The following MAPRE2 variants were observed in gnomAD, a reference collection of about 807,000 sequenced individuals.
MAPRE2 encodes microtubule-associated protein RP/EB family member 2.
A neutral mutation model predicts 43.2 loss-of-function variants in MAPRE2; 13 were observed. The ratio of observed to expected loss-of-function variants is 0.30; its 90% confidence interval spans 0.20 to 0.48. The LOEUF is 0.48. Ranked by LOEUF, MAPRE2 falls within the 20% of genes least tolerant of loss-of-function variation. The pLI, the probability that MAPRE2 is intolerant of heterozygous loss-of-function variation, is 0.99. For missense variants in MAPRE2, 161 were observed against 400.2 expected, an observed-to-expected ratio of 0.40 and a Z score of 5.10; for synonymous variants, 135 against 148.8, an observed-to-expected ratio of 0.91 and a Z score of 0.68.
Position 35,064,197 on chromosome 18 carries a change from CAA to C in MAPRE2, c.123-5986_123-5985del, listed in dbSNP as rs11311209. Among the ~76,000 whole-genome samples, 9 of 139,304 alleles carry C rather than the reference CAA, an allele frequency of 6.5e-5. No individual in the cohort carries two copies. In the East Asian group the frequency reaches 8.1e-4, roughly 13 times the overall value. The allele number at this position is 139,304 out of a possible 152,430, so 91.4% of individuals were successfully genotyped here. A position where few individuals can be genotyped will look rare whatever the true frequency, so the allele number is the denominator to read the frequency against. On this transcript the variant is annotated intron_variant, in intron 1 of 6. Coordinates refer to ENST00000300249, the MANE Select transcript of MAPRE2 (RefSeq NM_014268.4). The stretch of plus-strand genomic sequence containing the variant: ...TGAACAACAGAGCAAAGCCTCATTT[CAA>C]AAAAAAAAAAATCAAAATAGGTTCC...
intron 2 of MAPRE2, among the ~76,000 whole-genome samples, chr18:35,008,343 T>G (rs2097032803): frequency 6.6e-6 from 1 of 152,166 alleles, no homozygotes. Context: ...ACCAAATTTT[T>G]TATTATATTA....
At position 35,140,874 on chromosome 18, in the gene MAPRE2, T is replaced by A. The variant is rs939698495; in HGVS notation, c.*505T>A. The A allele has an allele frequency of 2.0e-5, 3 of 153,142 alleles. No individual in the cohort carries two copies. Among genetic ancestry groups the A allele is most frequent in the African/African-American group, 7.2e-5 (3 of 41,450 alleles). The allele number at this position is 153,142 out of a possible 1,614,324, so 9.5% of individuals were successfully genotyped here. A position where few individuals can be genotyped will look rare whatever the true frequency, so the allele number is the denominator to read the frequency against. On this transcript the variant is annotated 3_prime_UTR_variant, in exon 7 of 7. Transcript: ENST00000300249. ...GGAACAAAGGGAAACAGATACTTGA[T>A]ATGAAAGCCATAATGACGGTGACTT...
intron 2 of MAPRE2, among the ~76,000 whole-genome samples, chr18:35,091,322 T>C (rs1908139466): frequency 6.6e-6 from 1 of 152,196 alleles, no homozygotes. Flanking sequence ...GGTATGTGTA[T>C]AAGGTGTATA....
At chr18:35,132,453 G>T (rs1347232444) in intron 6 of MAPRE2, among the ~76,000 whole-genome samples, 2 of 152,234 alleles carry the variant, frequency 1.3e-5, no homozygotes, top group Non-Finnish European at 2.9e-5. Context: ...TGCTTATGCA[G>T]CCAAACTGCA....
chr18:35,061,551 GC>G (rs1390742803), intron 1 of MAPRE2, among the ~76,000 whole-genome samples: 1 of 152,092 alleles, frequency 6.6e-6, no homozygotes, highest in African/African-American at 2.4e-5. Context: ...CAGTCATAGA[GC>G]CCCGTAAAAA....
At chr18:35,026,296 A>G (rs2097045127) in intron 2 of MAPRE2, among the ~76,000 whole-genome samples, 1 of 152,164 alleles carries the variant, frequency 6.6e-6, no homozygotes, top group Non-Finnish European at 1.5e-5. Flanking sequence ...AGTTTAGCTC[A>G]AGCAGGAGAT....
chr18:34,992,617 A>C (rs2097024374), intron 1 of MAPRE2, among the ~76,000 whole-genome samples: 1 of 152,234 alleles, frequency 6.6e-6, no homozygotes, highest in South Asian at 2.1e-4. Flanking sequence ...AATAGAAAAT[A>C]GAGTGGGAAC....
At chr18:35,092,810 C>T (rs538100933) in intron 2 of MAPRE2, among the ~76,000 whole-genome samples, 3 of 152,204 alleles carry the variant, frequency 2.0e-5, no homozygotes, top group African/African-American at 7.2e-5. Flanking sequence ...CAAAAGAAAA[C>T]ATACAAATGG....
chr18:35,043,900 A>G (rs1318145106), intron 1 of MAPRE2, among the ~76,000 whole-genome samples: 1 of 152,214 alleles, frequency 6.6e-6, no homozygotes, highest in East Asian at 1.9e-4. Context: ...AAAAGGAAAA[A>G]TGTGACACAT....
intron 1 of MAPRE2, among the ~76,000 whole-genome samples, chr18:35,059,289 G>T (rs1906397024): frequency 6.6e-6 from 1 of 151,646 alleles, no homozygotes; most frequent in African/African-American, 2.4e-5. Flanking sequence ...GGAGCTTTTG[G>T]TATCTGTGTT....
In MAPRE2 at chr18:35,025,405, C is replaced by T. The variant is rs576869582; in HGVS notation, c.-8+19852C>T. On this transcript the variant is annotated intron_variant, in intron 2 of 7. Coordinates refer to the MAPRE2 transcript ENST00000413393. ...TAACCATCAATAGGAAATAGCAATGCTATAACTTTTCATTTCTTCCAGCCA... is the reference window on the plus strand; with the variant it reads ...TAACCATCAATAGGAAATAGCAATGTTATAACTTTTCATTTCTTCCAGCCA... Among the ~76,000 whole-genome samples the T allele has an allele frequency of 2.0e-4, 30 of 152,310 alleles. No homozygotes were observed. In the South Asian group the frequency reaches 6.0e-3, roughly 31 times the overall value.
At chr18:35,072,453 A>G (rs1907157368) in intron 2 of MAPRE2, among the ~76,000 whole-genome samples, 1 of 152,214 alleles carries the variant, frequency 6.6e-6, no homozygotes, top group South Asian at 2.1e-4. Flanking sequence ...GGAAGGGGAT[A>G]AGGAAAAGGC....
chr18:35,047,013 T>C lies in MAPRE2; in HGVS notation c.122+5352T>C, dbSNP rs61441517. ...AGCATCTTCCCTTGGCATTTAATGA[T>C]GTAAAAAGTTCCGATGTGGCTGATG... On this transcript the variant is annotated intron_variant, in intron 1 of 6. Transcript: ENST00000300249. 1.2e-3 allele frequency among the ~76,000 whole-genome samples: 180 copies of C among 152,306 alleles called. 2 individuals carry two copies. Among genetic ancestry groups the C allele is most frequent in the African/African-American group, 4.2e-3 (174 of 41,566 alleles).
intron 2 of MAPRE2, among the ~76,000 whole-genome samples, chr18:35,020,040 T>C (rs2097040930): frequency 6.6e-6 from 1 of 152,122 alleles, no homozygotes; most frequent in Non-Finnish European, 1.5e-5. Context: ...CTACTTGTAC[T>C]GTGGATGACA....
intron 2 of MAPRE2, among the ~76,000 whole-genome samples, chr18:35,071,549 G>A (rs1292890496): frequency 1.3e-5 from 2 of 152,146 alleles, no homozygotes; most frequent in Non-Finnish European, 2.9e-5. Flanking sequence ...CATGAAAATG[G>A]TATTAGAAAA....
intron 2 of MAPRE2, among the ~76,000 whole-genome samples, chr18:35,030,310 T>C (rs1024148764): frequency 1.3e-5 from 2 of 152,230 alleles, no homozygotes; most frequent in Non-Finnish European, 2.9e-5. Flanking sequence ...TGCCGTTTTA[T>C]GGCAGCAGTC....
intron 6 of MAPRE2, among the ~76,000 whole-genome samples, chr18:35,138,025 T>A (rs1910466721): frequency 6.6e-6 from 1 of 152,198 alleles, no homozygotes; most frequent in African/African-American, 2.4e-5. Flanking sequence ...TGTCCTGCGC[T>A]GGCCCAAGAA....
At chr18:35,128,304 G>T (rs994231152) in intron 5 of MAPRE2, among the ~76,000 whole-genome samples, 38 of 152,240 alleles carry the variant, frequency 2.5e-4, no homozygotes, top group African/African-American at 9.1e-4. Context: ...CAATTAAAAG[G>T]CAGTAAGGAC....
At chr18:34,992,682 A>T (rs905014173) in intron 1 of MAPRE2, among the ~76,000 whole-genome samples, 13 of 152,222 alleles carry the variant, frequency 8.5e-5, no homozygotes, top group Admixed American at 7.9e-4. Context: ...TGAGGAAAAC[A>T]TGCAGTTTTG....
Sources: gnomAD v4.1 joint callset for allele counts (sites outside exome capture counted in the v4.1 genomes callset) on GRCh38, gnomAD v4.1.1 for gene constraint, MANE v1.5 for transcripts, NCBI Gene and HGNC (gene_info 2026-07-23, HGNC 2026-07-21) for gene names.